Variants in CSMD1 observed in about 807,000 individuals in gnomAD.
CSMD1 encodes CUB and sushi domain-containing protein 1.
Under a neutral mutation model 417.5 loss-of-function variants are expected in CSMD1, and 213 were observed. The observed-to-expected ratio is 0.51, with a 90% CI of 0.46 to 0.57. CSMD1 has a LOEUF of 0.57. Among genes scored for constraint, CSMD1 ranks in the 20% least tolerant of loss-of-function variants. The pLI, the probability that CSMD1 is intolerant of heterozygous loss-of-function variation, is 0.00. For synonymous variants in CSMD1, 2,862 were observed against 1,736.8 expected, an observed-to-expected ratio of 1.65 and a Z score of -16.11; for missense variants, 6,923 against 4,529.7, an observed-to-expected ratio of 1.53 and a Z score of -15.17.
At chr8:3,606,064 T>C (rs1801596884) in intron 8 of CSMD1, among the ~76,000 whole-genome samples, 2 of 152,124 alleles carry the variant, frequency 1.3e-5, no homozygotes, top group Admixed American at 6.5e-5. Flanking sequence ...GATAGTAACA[T>C]AAATACATGT....
At chr8:4,160,282 G>C (rs1405046636) in intron 3 of CSMD1, among the ~76,000 whole-genome samples, 1 of 152,050 alleles carries the variant, frequency 6.6e-6, no homozygotes, top group Non-Finnish European at 1.5e-5. Context: ...TTCTTGGAAA[G>C]TACTGAATTT....
At chr8:4,539,891 G>C (rs1042816304) in intron 2 of CSMD1, among the ~76,000 whole-genome samples, 1 of 152,116 alleles carries the variant, frequency 6.6e-6, no homozygotes, top group Non-Finnish European at 1.5e-5. Context: ...ACCCCAGAGA[G>C]GTTGGGTGTG....
rs1164364654 is a variant in CSMD1 at position 3,411,725 on chromosome 8, CATATATACACGTGTATATATACACGTGT to C, written c.1562-2148_1562-2121del. On this transcript the variant is annotated intron_variant, in intron 12 of 69. Transcript: ENST00000635120. ...ATATATACACGTATATATACACGTA[CATATATACACGTGTATATATACACGTGT>C]ATATACGTGTATATACGTGTGTATA... Among the ~76,000 whole-genome samples, 102 of 119,018 alleles carry C rather than the reference CATATATACACGTGTATATATACACGTGT, an allele frequency of 8.6e-4. 9 individuals carry two copies. The highest frequency in any genetic ancestry group is 5.1e-3 in the Middle Eastern group (1 of 196). 78.1% of individuals were successfully genotyped at this position (119,018 alleles called of 152,430 possible). A position where few individuals can be genotyped will look rare whatever the true frequency, so the allele number is the denominator to read the frequency against.
chr8:4,249,202 G>C (rs938672785), intron 3 of CSMD1, among the ~76,000 whole-genome samples: 1 of 152,146 alleles, frequency 6.6e-6, no homozygotes, highest in Non-Finnish European at 1.5e-5. Context: ...GTGTCACCAG[G>C]AGATTAGGAG....
intron 1 of CSMD1, among the ~76,000 whole-genome samples, chr8:4,785,306 G>A (rs907882235): frequency 6.6e-6 from 1 of 152,146 alleles, no homozygotes; most frequent in African/African-American, 2.4e-5. Context: ...GCAAGTTACT[G>A]GGGTGCAAAG....
intron 3 of CSMD1, among the ~76,000 whole-genome samples, chr8:4,271,842 T>C (rs931409085): frequency 6.6e-6 from 1 of 152,168 alleles, no homozygotes; most frequent in African/African-American, 2.4e-5. Context: ...GGCAGCGCTA[T>C]TTGAAAGGCA....
At chr8:3,895,912 G>A (rs920672232) in intron 5 of CSMD1, among the ~76,000 whole-genome samples, 3 of 152,202 alleles carry the variant, frequency 2.0e-5, no homozygotes, top group Non-Finnish European at 4.4e-5. Flanking sequence ...TGCACACTCA[G>A]GTGGGAGAGG....
Position 3,493,737 on chromosome 8 carries a change from G to A in CSMD1, c.1345-11C>T, listed in dbSNP as rs61703709. On this transcript the variant is annotated splice_polypyrimidine_tract_variant and intron_variant, in intron 10 of 69. Coordinates refer to ENST00000635120, the MANE Select transcript of CSMD1 (RefSeq NM_033225.6). ...GGCAAGCTTGATGACCTAAATACAA[G>A]GTACGAAACAGTGACTTAGAACAAC... 0.11 allele frequency: 181,520 copies of A among 1,599,288 alleles called. 12,165 individuals carry two copies. Among genetic ancestry groups the A allele is most frequent in the East Asian group, 0.33 (14,538 of 44,346 alleles).
intron 21 of CSMD1, among the ~76,000 whole-genome samples, chr8:3,356,010 A>T (rs1256067018): frequency 2.0e-5 from 3 of 152,214 alleles, no homozygotes; most frequent in African/African-American, 7.2e-5. Context: ...ATAATAAAAA[A>T]GTTTCCATCT....
At chr8:4,108,862 C>A (rs1478434910) in intron 3 of CSMD1, among the ~76,000 whole-genome samples, 3 of 152,190 alleles carry the variant, frequency 2.0e-5, no homozygotes, top group African/African-American at 7.2e-5. Flanking sequence ...ATCAGCCTAT[C>A]TGCAAGAATT....
chr8:3,618,404 T>C (rs1347034993), intron 7 of CSMD1, among the ~76,000 whole-genome samples: 2 of 152,210 alleles, frequency 1.3e-5, no homozygotes, highest in Non-Finnish European at 2.9e-5. Flanking sequence ...TCATTCTTAG[T>C]AAGTACTTCA....
Position 3,892,490 on chromosome 8 carries a change from C to T in CSMD1, c.818+105413G>A, listed in dbSNP as rs367743680. On this transcript the variant is annotated intron_variant, in intron 5 of 69. Coordinates refer to ENST00000635120, the MANE Select transcript of CSMD1 (RefSeq NM_033225.6). The stretch of plus-strand genomic sequence containing the variant: ...CCCCAACTAAGTTCTGCAAGAGGAT[C>T]TAAGAGACCGTGCATCCAATCCTAT... 2.3e-3 allele frequency among the ~76,000 whole-genome samples: 352 copies of T among 151,948 alleles called. 3 individuals are homozygous for T. The highest frequency in any genetic ancestry group is 8.3e-3 in the African/African-American group (342 of 41,418).
chr8:4,177,241 C>T (rs1238933237), intron 3 of CSMD1, among the ~76,000 whole-genome samples: 1 of 152,178 alleles, frequency 6.6e-6, no homozygotes, highest in Non-Finnish European at 1.5e-5. Flanking sequence ...TCTCACACCA[C>T]AGTGCAATCA....
At chr8:4,110,481 T>A (rs1487025020) in intron 3 of CSMD1, among the ~76,000 whole-genome samples, 2 of 152,152 alleles carry the variant, frequency 1.3e-5, no homozygotes, top group Non-Finnish European at 1.5e-5. Context: ...CTCCAAGAAA[T>A]GTTAACTTTT....
At chr8:4,729,826 G>C (rs1206186174) in intron 1 of CSMD1, among the ~76,000 whole-genome samples, 1 of 152,178 alleles carries the variant, frequency 6.6e-6, no homozygotes, top group African/African-American at 2.4e-5. Flanking sequence ...TGCAATCACA[G>C]TAAAAGCAAA....
Position 3,273,573 on chromosome 8 carries a change from T to C in CSMD1, c.4153+10571A>G, listed in dbSNP as rs888581787. On this transcript the variant is annotated intron_variant, in intron 26 of 69. Coordinates refer to ENST00000635120, the MANE Select transcript of CSMD1 (RefSeq NM_033225.6). ...AGTCCATCTGGTCCTGCACTCTTTT[T>C]CGTTGGTAAGCTATTGATTATTGCC... Among the ~76,000 whole-genome samples the C allele has an allele frequency of 1.5e-4, 23 of 152,240 alleles. 1 individual carries two copies.
At chr8:4,171,876 A>G (rs1344090903) in intron 3 of CSMD1, among the ~76,000 whole-genome samples, 1 of 152,172 alleles carries the variant, frequency 6.6e-6, no homozygotes, top group African/African-American at 2.4e-5. Flanking sequence ...ACTTACATCA[A>G]ATACTTGAAT....
At chr8:4,675,374 G>A (rs1805608376) in intron 1 of CSMD1, among the ~76,000 whole-genome samples, 1 of 152,000 alleles carries the variant, frequency 6.6e-6, no homozygotes, top group African/African-American at 2.4e-5. Flanking sequence ...AAAAATACAG[G>A]GCAAAACCTT....
At chr8:4,205,284 T>C (rs1799910341) in intron 3 of CSMD1, among the ~76,000 whole-genome samples, 1 of 152,222 alleles carries the variant, frequency 6.6e-6, no homozygotes, top group Admixed American at 6.5e-5. Context: ...GTTTTTACAA[T>C]AGTTCCTTGA....
Sources: allele counts gnomAD v4.1 joint callset (sites outside exome capture counted in the v4.1 genomes callset), GRCh38; gene constraint gnomAD v4.1.1; transcripts MANE v1.5; gene names NCBI Gene and HGNC (gene_info 2026-07-23, HGNC 2026-07-21).